The following CIMIP2C variants were observed in gnomAD, a reference collection of about 807,000 sequenced individuals.
CIMIP2C encodes the protein ciliary microtubule inner protein 2C, also known as UPF0573 protein C2orf70.
the CIMIP2C span, chr2:26,575,783 C>A: frequency 7.8e-7 from 1 of 1,289,580 alleles, no homozygotes; most frequent in South Asian, 1.5e-5. Flanking sequence ...CTCAGCTTTC[C>A]AACATGCTGG....
chr2:26,578,179 G>GCC, the CIMIP2C span: 3 of 156,820 alleles, frequency 1.9e-5, no homozygotes, highest in African/African-American at 7.2e-5. Flanking sequence ...GGCCCACTCT[G>GCC]CCCTGAAAGA....
At chr2:26,562,958 G>C in the CIMIP2C span, 1 of 479,528 alleles carries the variant, frequency 2.1e-6, no homozygotes. Flanking sequence ...ACCTCGCATG[G>C]ATGTAGCCGG....
the CIMIP2C span, chr2:26,562,968 G>A: frequency 9.4e-3 from 4,393 of 469,174 alleles, 191 homozygotes; most frequent in African/African-American, 0.079. Flanking sequence ...GATGTAGCCG[G>A]GGAAGGGGGA....
the CIMIP2C span, among the ~76,000 whole-genome samples, chr2:26,563,280 A>G: frequency 2.6e-5 from 4 of 152,218 alleles, no homozygotes; most frequent in African/African-American, 9.6e-5. Context: ...TTTTCTTGGA[A>G]AGCTTCCTGG....
At chr2:26,573,534 GC>G in the CIMIP2C span, among the ~76,000 whole-genome samples, 69 of 152,382 alleles carry the variant, frequency 4.5e-4, no homozygotes, top group African/African-American at 1.6e-3. Flanking sequence ...CAGGAGTGGC[GC>G]CCAGGCCGGG....
At chr2:26,562,966 C>G in the CIMIP2C span, 6 of 460,110 alleles carry the variant, frequency 1.3e-5, no homozygotes, top group Non-Finnish European at 2.3e-5. Context: ...TGGATGTAGC[C>G]GGGGAAGGGG....
the CIMIP2C span, chr2:26,577,500 C>T: frequency 1.2e-6 from 2 of 1,609,690 alleles, no homozygotes; most frequent in Non-Finnish European, 1.7e-6. Flanking sequence ...TCATCTCTTC[C>T]TTGATTGAAC....
At chr2:26,568,413 T>A in the CIMIP2C span, among the ~76,000 whole-genome samples, 1 of 152,202 alleles carries the variant, frequency 6.6e-6, no homozygotes, top group Non-Finnish European at 1.5e-5. Flanking sequence ...GGAATTCACC[T>A]CTGAGCTGTT....
the CIMIP2C span, among the ~76,000 whole-genome samples, chr2:26,563,438 G>A: frequency 6.6e-6 from 1 of 152,164 alleles, no homozygotes; most frequent in Admixed American, 6.5e-5. Context: ...TTCTCCTACA[G>A]TGTCTGATGT....
the CIMIP2C span, among the ~76,000 whole-genome samples, chr2:26,568,889 C>T: frequency 9.5e-4 from 145 of 151,982 alleles, no homozygotes; most frequent in African/African-American, 3.4e-3. Flanking sequence ...GGCATAGTGG[C>T]GGGCACCTGT....
the CIMIP2C span, chr2:26,575,838 T>G: frequency 6.4e-7 from 1 of 1,558,988 alleles, no homozygotes; most frequent in African/African-American, 1.4e-5. Flanking sequence ...TAAGGGCCTC[T>G]CTTGGAACAG....
chr2:26,573,053 C>T, the CIMIP2C span, among the ~76,000 whole-genome samples: 1 of 152,204 alleles, frequency 6.6e-6, no homozygotes, highest in Admixed American at 6.5e-5. Context: ...TTCATCAGTG[C>T]GAATGTTGCA....
chr2:26,577,707 G>GCACA, the CIMIP2C span: 1 of 991,136 alleles, frequency 1.0e-6, no homozygotes, highest in South Asian at 1.4e-5. Context: ...GGCATGCACA[G>GCACA]CACACAGACT....
At chr2:26,569,016 CAAAAA>C in the CIMIP2C span, among the ~76,000 whole-genome samples, 1 of 132,056 alleles carries the variant, frequency 7.6e-6, no homozygotes, top group Non-Finnish European at 1.6e-5. Context: ...GACTCAGTCT[CAAAAA>C]AAAAAAAAAA....
At chr2:26,576,270 G>A in the CIMIP2C span, 5 of 1,378,066 alleles carry the variant, frequency 3.6e-6, no homozygotes, top group African/African-American at 4.3e-5. Context: ...GGGAGACCTC[G>A]CACCTGCCAC....
the CIMIP2C span, among the ~76,000 whole-genome samples, chr2:26,576,530 G>A: frequency 6.6e-6 from 1 of 152,164 alleles, no homozygotes; most frequent in Non-Finnish European, 1.5e-5. Flanking sequence ...CATATATTTT[G>A]TAGGTGAGTA....
chr2:26,573,466 G>A, the CIMIP2C span, among the ~76,000 whole-genome samples: 1 of 152,226 alleles, frequency 6.6e-6, no homozygotes, highest in East Asian at 1.9e-4. Flanking sequence ...AGAGAGACAG[G>A]GAGGAGTCGG....
At chr2:26,576,600 C>T in the CIMIP2C span, among the ~76,000 whole-genome samples, 1,478 of 152,322 alleles carry the variant, frequency 9.7e-3, 20 homozygotes, top group African/African-American at 0.033. Context: ...CACTACAGCC[C>T]CCAGCCCCAG....
chr2:26,571,700 G>A, the CIMIP2C span, among the ~76,000 whole-genome samples: 1 of 152,180 alleles, frequency 6.6e-6, no homozygotes, highest in African/African-American at 2.4e-5. Context: ...AACGTTTGGT[G>A]CATTTTATTC....
Sources: gnomAD v4.1 joint callset for allele counts (sites outside exome capture counted in the v4.1 genomes callset) on GRCh38, gnomAD v4.1.1 for gene constraint, MANE v1.5 for transcripts, NCBI Gene and HGNC (gene_info 2026-07-23, HGNC 2026-07-21) for gene names.